The following SLC30A8 variants were observed in gnomAD, a reference collection of about 807,000 sequenced individuals.
SLC30A8 encodes the protein proton-coupled zinc antiporter SLC30A8.
Under a neutral mutation model 36.9 loss-of-function variants are expected in SLC30A8, and 27 were observed. That is an observed-to-expected ratio of 0.73 (90% CI 0.54 to 1.01). The LOEUF (loss-of-function observed/expected upper bound fraction) is 1.01. Among genes scored for constraint, SLC30A8 ranks in the 50% least tolerant of loss-of-function variants. The probability of loss-of-function intolerance (pLI) is 0.00; values close to 1 mark genes in which losing one functional copy is unlikely to be tolerated. For missense variants in SLC30A8, 439 were observed against 452.0 expected, an observed-to-expected ratio of 0.97 and a Z score of 0.26; for synonymous variants, 164 against 172.4, an observed-to-expected ratio of 0.95 and a Z score of 0.38.
At chr8:117,155,347 T>A (rs1822423024) in intron 3 of SLC30A8, among the ~76,000 whole-genome samples, 1 of 152,142 alleles carries the variant, frequency 6.6e-6, no homozygotes, top group Non-Finnish European at 1.5e-5. Flanking sequence ...CTGTTTTGGA[T>A]TTTCATGGAT....
intron 2 of SLC30A8, among the ~76,000 whole-genome samples, chr8:117,064,812 G>T (rs1227287821): frequency 6.6e-6 from 1 of 152,316 alleles, no homozygotes; most frequent in Middle Eastern, 3.4e-3. Flanking sequence ...AGAGGAGGAA[G>T]AGGAGGGGAG....
intron 2 of SLC30A8, among the ~76,000 whole-genome samples, chr8:117,079,852 T>A (rs1818608689): frequency 6.6e-6 from 1 of 152,248 alleles, no homozygotes; most frequent in Admixed American, 6.5e-5. Context: ...GTTGTTAAAC[T>A]GAGTCAATTC....
chr8:116,994,875 G>A (rs563156745), intron 1 of SLC30A8, among the ~76,000 whole-genome samples: 74 of 152,216 alleles, frequency 4.9e-4, no homozygotes, highest in Non-Finnish European at 6.5e-4. Context: ...AGCTGGTAGA[G>A]GAAGGGCTCT....
chr8:117,145,467 A>C (rs546952032), intron 1 of SLC30A8, among the ~76,000 whole-genome samples: 8 of 152,160 alleles, frequency 5.3e-5, no homozygotes, highest in African/African-American at 1.9e-4. Context: ...CTAAGCCAAA[A>C]CCATCAGACT....
At chr8:116,951,933 AT>A (rs950218616) in intron 1 of SLC30A8, among the ~76,000 whole-genome samples, 1 of 151,974 alleles carries the variant, frequency 6.6e-6, no homozygotes, top group African/African-American at 2.4e-5. Flanking sequence ...ATTCAATAAG[AT>A]ATTATGATAC....
chr8:117,120,482 A>G (rs1586548841), intron 2 of SLC30A8, among the ~76,000 whole-genome samples: 1 of 151,972 alleles, frequency 6.6e-6, no homozygotes, highest in Non-Finnish European at 1.5e-5. Flanking sequence ...TGGGTTAAAG[A>G]TGTAAACATA....
chr8:117,020,363 A>G (rs1009432899), intron 1 of SLC30A8, among the ~76,000 whole-genome samples: 16 of 152,240 alleles, frequency 1.1e-4, no homozygotes, highest in African/African-American at 3.4e-4. Context: ...AAACATTGAA[A>G]TTATGGTAAT....
rs998606913 is a variant in SLC30A8 at position 117,052,549 on chromosome 8, A to C, written c.-226+13291A>C. Among the ~76,000 whole-genome samples the C allele has an allele frequency of 6.2e-4, 95 of 152,322 alleles. No homozygotes were observed. In the Middle Eastern group the frequency reaches 0.024, roughly 38 times the overall value. On this transcript the variant is annotated intron_variant, in intron 2 of 10. Transcript: ENST00000427715. ...CCACTGCATACACTGAGAGAACATG[A>C]CCTTTTTTATCTTACTCAGAACATA...
intron 1 of SLC30A8, among the ~76,000 whole-genome samples, chr8:116,971,948 A>C (rs1238313315): frequency 1.3e-5 from 2 of 152,208 alleles, no homozygotes; most frequent in Non-Finnish European, 2.9e-5. Flanking sequence ...GGTGAGGAGA[A>C]ATATCTATAA....
Position 117,145,536 on chromosome 8 carries a change from TTTTG to T in SLC30A8, c.72-1403_72-1400del, listed in dbSNP as rs200482000. ...GAAGTGAAAGCTAATATATTGTTAG[TTTTG>T]TTTGTTTGTTTGTTATTACCTTTCA... is the stretch of plus-strand genomic sequence containing the variant. On this transcript the variant is annotated intron_variant, in intron 1 of 7. Coordinates refer to ENST00000456015, the MANE Select transcript of SLC30A8 (RefSeq NM_173851.3). Among the ~76,000 whole-genome samples, 905 of 152,194 alleles carry T rather than the reference TTTTG, an allele frequency of 5.9e-3. 9 individuals are homozygous for T. Among genetic ancestry groups the T allele is most frequent in the South Asian group, 0.048 (232 of 4,828 alleles).
At chr8:117,032,749 G>T (rs1329993902) in intron 1 of SLC30A8, among the ~76,000 whole-genome samples, 1 of 152,132 alleles carries the variant, frequency 6.6e-6, no homozygotes, top group Admixed American at 6.5e-5. Flanking sequence ...AATTAGCCGG[G>T]TGTGGTGGTG....
chr8:117,164,058 G>A (rs1435774359), intron 6 of SLC30A8: 3 of 152,452 alleles, frequency 2.0e-5, no homozygotes, highest in Admixed American at 6.5e-5. Flanking sequence ...TGTGCTATGA[G>A]GTTCAGGTGT....
At chr8:117,154,439 T>C (rs1435788521) in intron 3 of SLC30A8, among the ~76,000 whole-genome samples, 2 of 152,236 alleles carry the variant, frequency 1.3e-5, no homozygotes, top group Non-Finnish European at 2.9e-5. Flanking sequence ...GTGGCCAGCC[T>C]TCACTGAAAG....
chr8:117,051,222 C>T (rs964834964), intron 2 of SLC30A8, among the ~76,000 whole-genome samples: 2 of 152,196 alleles, frequency 1.3e-5, no homozygotes, highest in Non-Finnish European at 2.9e-5. Context: ...TGTACTGACT[C>T]GTTGGCCAAT....
intron 2 of SLC30A8, among the ~76,000 whole-genome samples, chr8:117,078,975 A>C (rs1001302203): frequency 1.3e-5 from 2 of 151,672 alleles, no homozygotes; most frequent in Admixed American, 6.6e-5. Context: ...GGTGTGAGCC[A>C]ATGTGCCTGG....
In SLC30A8 at chr8:116,979,657, G is replaced by A. The variant is rs577931703; in HGVS notation, c.-266+28538G>A. Among the ~76,000 whole-genome samples, 20 of 152,332 alleles carry A rather than the reference G, an allele frequency of 1.3e-4. No individual in the cohort carries two copies. The South Asian group carries it at 3.5e-3, about 27-fold the overall frequency. On this transcript the variant is annotated intron_variant, in intron 1 of 10. Coordinates refer to the SLC30A8 transcript ENST00000427715. ...AGAACCTATGCCAAAGGCCATGGAG[G>A]CACAGAGCAGAAGTGTGAGGCCAAC...
chr8:117,069,571 A>T (rs558042128), intron 2 of SLC30A8, among the ~76,000 whole-genome samples: 2 of 152,334 alleles, frequency 1.3e-5, no homozygotes, highest in South Asian at 4.1e-4. Flanking sequence ...AGTACAATGG[A>T]GGTCTGGATA....
At chr8:117,002,913 A>T (rs1342071511) in intron 1 of SLC30A8, among the ~76,000 whole-genome samples, 1 of 151,164 alleles carries the variant, frequency 6.6e-6, no homozygotes, top group Non-Finnish European at 1.5e-5. Context: ...AAAAGATGTT[A>T]TTTTTTTTTA....
chr8:117,096,977 A>G (rs1367795159), intron 2 of SLC30A8, among the ~76,000 whole-genome samples: 2 of 152,140 alleles, frequency 1.3e-5, no homozygotes, highest in Non-Finnish European at 2.9e-5. Flanking sequence ...CCCTATCTTT[A>G]AGAAGCTTAT....
Sources: gnomAD v4.1 joint callset for allele counts (sites outside exome capture counted in the v4.1 genomes callset) on GRCh38, gnomAD v4.1.1 for gene constraint, MANE v1.5 for transcripts, NCBI Gene and HGNC (gene_info 2026-07-23, HGNC 2026-07-21) for gene names.